The following TRIO variants were observed in gnomAD, a reference collection of about 807,000 sequenced individuals.
The protein encoded by TRIO is triple functional domain protein.
TRIO carries 58 observed loss-of-function variants against 351.9 expected under a neutral mutation model. That is an observed-to-expected ratio of 0.16 (90% confidence interval 0.13 to 0.21). TRIO has a LOEUF of 0.21. Ranked by LOEUF, TRIO falls within the 10% of genes least tolerant of loss-of-function variation. TRIO has a pLI of 1.00. For missense variants in TRIO, 3,201 were observed against 4,027.8 expected (o/e 0.79, Z 5.56); for synonymous variants, 1,758 against 1,595.7 (o/e 1.10, Z -2.42).
chr5:14,245,546 T>C (rs1794383594), intron 1 of TRIO, among the ~76,000 whole-genome samples: 1 of 152,210 alleles, frequency 6.6e-6, no homozygotes, highest in Non-Finnish European at 1.5e-5. Flanking sequence ...TGCTTAAAGA[T>C]AGTGTATGTC....
chr5:14,477,601 T>C (rs1287544355), intron 41 of TRIO, among the ~76,000 whole-genome samples: 1 of 152,240 alleles, frequency 6.6e-6, no homozygotes, highest in Non-Finnish European at 1.5e-5. Flanking sequence ...TTAGACACTA[T>C]ACCAAAAACT....
rs537159337 is a variant in TRIO, at chr5:14,268,651, C to T, written c.158-2174C>T. Among the ~76,000 whole-genome samples, 7 of 152,340 alleles carry T rather than the reference C, an allele frequency of 4.6e-5. No homozygotes were observed. The South Asian group carries it at 6.2e-4, about 14-fold the overall frequency. Reference sequence around the variant, plus strand: ...CAAACAGATAGGGATCTACAGCTGTCGCTTACTCCTTCCTAGTATTTGTCT... The same window carrying T: ...CAAACAGATAGGGATCTACAGCTGTTGCTTACTCCTTCCTAGTATTTGTCT... On this transcript the variant is annotated intron_variant, in intron 1 of 56. Coordinates refer to ENST00000344204, the MANE Select transcript of TRIO (RefSeq NM_007118.4).
intron 33 of TRIO, among the ~76,000 whole-genome samples, chr5:14,413,968 G>A (rs1305875803): frequency 6.6e-6 from 1 of 152,218 alleles, no homozygotes; most frequent in African/African-American, 2.4e-5. Flanking sequence ...TTAGATCTCA[G>A]ATCATTGTCC....
chr5:14,289,548 TC>T (rs1470248879), intron 4 of TRIO, among the ~76,000 whole-genome samples: 1 of 139,244 alleles, frequency 7.2e-6, no homozygotes, highest in Non-Finnish European at 1.5e-5. Context: ...ACCCTTTTTT[TC>T]CTTTTTTAAA....
intron 33 of TRIO, among the ~76,000 whole-genome samples, chr5:14,415,582 T>C (rs1238113952): frequency 6.6e-6 from 1 of 152,222 alleles, no homozygotes; most frequent in East Asian, 1.9e-4. Context: ...ATGGTTTCTT[T>C]GGAGAACATG....
rs1269184158 is a variant in TRIO, at chr5:14,471,310, T to C, written c.5764-8T>C. 1 of 1,613,376 alleles carries C rather than the reference T, an allele frequency of 6.2e-7. No individual in the cohort carries two copies. Among genetic ancestry groups the C allele is most frequent in the East Asian group, 2.2e-5 (1 of 44,882 alleles). On this transcript the variant is annotated splice_polypyrimidine_tract_variant and splice_region_variant and intron_variant, in intron 37 of 56. Transcript: ENST00000344204. ...GTAAGTGTTGTTGATTATGTCAATT[T>C]CTTCCAGGCACTGGAGGATCGCCCC...
chr5:14,403,823 G>A (rs1458996604), intron 31 of TRIO, among the ~76,000 whole-genome samples: 2 of 44,806 alleles, frequency 4.5e-5, no homozygotes, highest in Non-Finnish European at 7.7e-5. Flanking sequence ...GGTTGTGAGG[G>A]TGCAGGTGGT....
At chr5:14,391,783 T>G (rs112290191) in intron 27 of TRIO, among the ~76,000 whole-genome samples, 2 of 152,256 alleles carry the variant, frequency 1.3e-5, no homozygotes, top group Middle Eastern at 3.2e-3. Context: ...TCAGCTCTTA[T>G]GTGAAAGTCT....
chr5:14,465,780 C>A, intron 37 of TRIO, 140 bp downstream of exon 37: 1 of 850,234 alleles, frequency 1.2e-6, no homozygotes, highest in Non-Finnish European at 1.9e-6. Flanking sequence ...GTCCCCATGA[C>A]CACCCTCGGG....
chr5:14,325,858 T>C (rs1029261135), intron 9 of TRIO, among the ~76,000 whole-genome samples: 13 of 152,208 alleles, frequency 8.5e-5, no homozygotes, highest in African/African-American at 3.1e-4. Context: ...CTGTGGCCAG[T>C]TCCTGTTGCA....
intron 20 of TRIO, 86 bp from the exon 21 acceptor site, chr5:14,381,044 T>C: frequency 6.8e-7 from 1 of 1,476,918 alleles, no homozygotes; most frequent in African/African-American, 1.4e-5. Flanking sequence ...GGTTTGTGAT[T>C]TGACCTTTAA....
intron 3 of TRIO, among the ~76,000 whole-genome samples, chr5:14,285,895 G>A (rs1384203635): frequency 6.6e-6 from 1 of 152,158 alleles, no homozygotes; most frequent in African/African-American, 2.4e-5. Flanking sequence ...AACAGTGAGG[G>A]TTGCAGTTGT....
At chr5:14,159,574 CTTT>C (rs760216530) in intron 1 of TRIO, among the ~76,000 whole-genome samples, 1 of 143,388 alleles carries the variant, frequency 7.0e-6, no homozygotes. Context: ...TATTTTTTTT[CTTT>C]TTTTTTTTTT....
chr5:14,216,964 T>A (rs1792264446), intron 1 of TRIO, among the ~76,000 whole-genome samples: 1 of 152,182 alleles, frequency 6.6e-6, no homozygotes, highest in Non-Finnish European at 1.5e-5. Flanking sequence ...CTATGCCACC[T>A]CTTAGAAATC....
At chr5:14,452,097 G>C (rs1752887042) in intron 34 of TRIO, among the ~76,000 whole-genome samples, 1 of 152,210 alleles carries the variant, frequency 6.6e-6, no homozygotes, top group Non-Finnish European at 1.5e-5. Context: ...GTGCATGTTT[G>C]GCTGACGTTA....
intron 1 of TRIO, among the ~76,000 whole-genome samples, chr5:14,172,845 G>T (rs188385420): frequency 6.6e-6 from 1 of 152,206 alleles, no homozygotes; most frequent in East Asian, 1.9e-4. Flanking sequence ...CTATCTTGAG[G>T]CAGGTGTCAT....
At chr5:14,482,796 T>C (rs747809066) in intron 46 of TRIO, 23 bp downstream of exon 46, 1 of 1,520,942 alleles carries the variant, frequency 6.6e-7, no homozygotes, top group Admixed American at 1.9e-5. Context: ...TCTGTGTGAT[T>C]TCTCTGTGCC....
chr5:14,238,609 G>A (rs978012265), intron 1 of TRIO, among the ~76,000 whole-genome samples: 1 of 152,308 alleles, frequency 6.6e-6, no homozygotes, highest in African/African-American at 2.4e-5. Flanking sequence ...AATAGCAGAC[G>A]ATATTAAAGA....
At chr5:14,364,239 A>G (rs1362681239) in intron 14 of TRIO, among the ~76,000 whole-genome samples, 1 of 152,114 alleles carries the variant, frequency 6.6e-6, no homozygotes, top group African/African-American at 2.4e-5. Flanking sequence ...TTATTTTTTT[A>G]GTTTATGTTT....
Sources: allele counts gnomAD v4.1 joint callset (sites outside exome capture counted in the v4.1 genomes callset), GRCh38; gene constraint gnomAD v4.1.1; transcripts MANE v1.5; gene names NCBI Gene and HGNC (gene_info 2026-07-23, HGNC 2026-07-21).